The following SPRED2 variants were observed in gnomAD, a reference collection of about 807,000 sequenced individuals.
SPRED2 encodes sprouty-related, EVH1 domain-containing protein 2.
Under a neutral mutation model 43.0 loss-of-function variants are expected in SPRED2, and 47 were observed. The ratio of observed to expected loss-of-function variants is 1.09; its 90% CI spans 0.87 to 1.40. The LOEUF is 1.40. Ranked by LOEUF, SPRED2 falls within the 40% of genes most tolerant of loss-of-function variation. The probability of loss-of-function intolerance (pLI) is 0.00; values close to 1 mark genes in which losing one functional copy is unlikely to be tolerated. For missense variants in SPRED2, 561 were observed against 586.4 expected (o/e 0.96, Z 0.45); for synonymous variants, 225 against 225.7 (o/e 1.00, Z 0.03).
At position 65,344,793 on chromosome 2, in the gene SPRED2, A is replaced by G. The variant is rs375619259; in HGVS notation, c.130T>C (p.Cys44Arg). The change falls in exon 2 of 6, where the codon TGT (cysteine) becomes CGT (arginine). Residue 44 changes from cysteine (C) to arginine (R), a missense_variant. By Grantham distance (180) the Cys-to-Arg change is radical. This residue lies in a region of SPRED2 where 305 missense variants were observed against 282.4 expected (regional missense o/e 1.08). Transcript: ENST00000356388. ...EGGGISRVGVCKVMHPEGNGR... is the reference protein window; with the variant it reads ...EGGGISRVGVRKVMHPEGNGR... ...TTGCCTTCGGGGTGCATGACCTTAC[A>G]GACCCCGACGCGACTGATCCCGCCT... The G allele has an allele frequency of 1.9e-6, 3 of 1,614,058 alleles. No homozygotes were observed. The highest frequency in any genetic ancestry group is 2.5e-6 in the Non-Finnish European group (3 of 1,180,028).
At chr2:65,408,910 C>T (rs1372249490) in intron 1 of SPRED2, among the ~76,000 whole-genome samples, 1 of 152,106 alleles carries the variant, frequency 6.6e-6, no homozygotes, top group Non-Finnish European at 1.5e-5. Context: ...AAATATTGCC[C>T]TAATTCTGCC....
intron 1 of SPRED2, among the ~76,000 whole-genome samples, chr2:65,360,079 C>CAAAAAAAAACA (rs773374343): frequency 1.1e-5 from 1 of 93,704 alleles, no homozygotes; most frequent in Non-Finnish European, 2.0e-5. Context: ...AAAAAAAAAA[C>CAAAAAAAAACA]AAAAAAAAAC....
rs372366601 is a variant in SPRED2, at chr2:65,313,864, C to T, written c.894G>A (p.Arg298=). Reference sequence around the variant, plus strand: ...AGCGCTCTCCGTCCTCCTTCCGCCGCCGCGACTTGCCCCGGGAGGGCTGCG... The same window carrying T: ...AGCGCTCTCCGTCCTCCTTCCGCCGTCGCGACTTGCCCCGGGAGGGCTGCG... ...IKTQPSRGKS[R]RRKEDGERSR... Residue 298 remains arginine (R), a synonymous_variant, in exon 6 of 6, where the codon CGG becomes CGA. Transcript: ENST00000356388. 24 of 1,610,710 alleles carry T rather than the reference C, an allele frequency of 1.5e-5. No homozygotes were observed. Among genetic ancestry groups the T allele is most frequent in the African/African-American group, 5.3e-5 (4 of 74,928 alleles).
At chr2:65,366,021 G>A (rs1572873220) in intron 1 of SPRED2, among the ~76,000 whole-genome samples, 1 of 141,950 alleles carries the variant, frequency 7.0e-6, no homozygotes, top group South Asian at 2.7e-4. Flanking sequence ...AGCAAATTGT[G>A]ATTTATAAAA....
chr2:65,399,383 CTTTTTT>C (rs34672484), intron 1 of SPRED2, among the ~76,000 whole-genome samples: 3 of 125,376 alleles, frequency 2.4e-5, no homozygotes, highest in South Asian at 2.5e-4. Context: ...AACTATTATT[CTTTTTT>C]TTTTTTTTTT....
At chr2:65,390,846 GA>G (rs1050115498) in intron 1 of SPRED2, among the ~76,000 whole-genome samples, 5 of 152,144 alleles carry the variant, frequency 3.3e-5, no homozygotes, top group African/African-American at 1.2e-4. Context: ...AGCACTTTGG[GA>G]GGCCAAGGTA....
chr2:65,308,852 T>C (rs2104080250), downstream of SPRED2, among the ~76,000 whole-genome samples: 2 of 152,236 alleles, frequency 1.3e-5, no homozygotes, highest in African/African-American at 4.8e-5. Flanking sequence ...CAACCTCACA[T>C]CGAAAATATA....
At chr2:65,369,567 G>C (rs1020767739) in intron 1 of SPRED2, among the ~76,000 whole-genome samples, 1 of 152,222 alleles carries the variant, frequency 6.6e-6, no homozygotes, top group African/African-American at 2.4e-5. Flanking sequence ...ATCTTTAACA[G>C]ACATTTCTGT....
chr2:65,363,013 T>TG lies in SPRED2; in HGVS notation c.27-18118_27-18117insC, dbSNP rs1249925705. On this transcript the variant is annotated intron_variant, in intron 1 of 5. Transcript: ENST00000356388. ...TATGGTCATCATGTTTTGTTTTTTT[T>TG]TTTTTTTTTTTTTTTTGAAAGGTTT... Among the ~76,000 whole-genome samples the TG allele has an allele frequency of 7.4e-4, 104 of 140,250 alleles. 1 individual carries two copies. Among genetic ancestry groups the TG allele is most frequent in the Admixed American group, 3.2e-3 (46 of 14,458 alleles). The allele number at this position is 140,250 out of a possible 152,430, so 92.0% of individuals were successfully genotyped here. A position where few individuals can be genotyped will look rare whatever the true frequency, so the allele number is the denominator to read the frequency against.
At chr2:65,379,415 G>T (rs1675319540) in intron 1 of SPRED2, among the ~76,000 whole-genome samples, 1 of 152,102 alleles carries the variant, frequency 6.6e-6, no homozygotes, top group Admixed American at 6.5e-5. Flanking sequence ...CTCTTAGGAG[G>T]GCAAGCCTCT....
Position 65,316,749 on chromosome 2 carries a change from G to T in SPRED2, c.573C>A (p.His191Gln), listed in dbSNP as rs1338595320. ...GHLHDSYPTD[H>Q]YHLDQPMPRP... ...TGCTGCTCACCTGATCGAGGTGATA[G>T]TGGTCTGTGGGGTATGAGTCGTGGA... Residue 191 changes from histidine to glutamine, a missense_variant, in exon 5 of 6, where the codon CAC (histidine) becomes CAA (glutamine). By Grantham distance (24) the His-to-Gln change is conservative. Coordinates refer to ENST00000356388, the MANE Select transcript of SPRED2 (RefSeq NM_181784.3). 8 of 1,611,248 alleles carry T rather than the reference G, an allele frequency of 5.0e-6. No homozygotes were observed. Among genetic ancestry groups the T allele is most frequent in the African/African-American group, 2.7e-5 (2 of 74,884 alleles).
At position 65,312,765 on chromosome 2, in the gene SPRED2, C is replaced by G; in HGVS notation, c.*736G>C. 1.0e-6 allele frequency: 1 copy of G among 985,826 alleles called. No homozygotes were observed. Among genetic ancestry groups the G allele is most frequent in the South Asian group, 4.7e-5 (1 of 21,288 alleles). The allele number at this position is 985,826 out of a possible 1,614,324, so 61.1% of individuals were successfully genotyped here. A position where few individuals can be genotyped will look rare whatever the true frequency, so the allele number is the denominator to read the frequency against. On this transcript the variant is annotated 3_prime_UTR_variant, in exon 6 of 6. Coordinates refer to ENST00000356388, the MANE Select transcript of SPRED2 (RefSeq NM_181784.3). ...ATTTTCCTGATTCTCACAAGTTAAT[C>G]TGAAGTTAAGGCTCAATTCTCAGTC...
chr2:65,318,731 GC>G (rs1673318920), intron 4 of SPRED2, among the ~76,000 whole-genome samples: 1 of 151,682 alleles, frequency 6.6e-6, no homozygotes, highest in South Asian at 2.1e-4. Context: ...GAGTGCCGTG[GC>G]ATGAACACAG....
intron 1 of SPRED2, among the ~76,000 whole-genome samples, chr2:65,417,774 C>G (rs1218048710): frequency 1.3e-5 from 2 of 152,176 alleles, no homozygotes; most frequent in African/African-American, 4.8e-5. Context: ...AAAGAGGGAG[C>G]TGAGCTCGTA....
chr2:65,406,093 A>C (rs2103743236), intron 1 of SPRED2, among the ~76,000 whole-genome samples: 2 of 152,288 alleles, frequency 1.3e-5, no homozygotes, highest in South Asian at 4.2e-4. Flanking sequence ...CATCTGTTAA[A>C]TGGTGCTCCT....
At chr2:65,344,607 T>C in intron 2 of SPRED2, 112 bp downstream of exon 2, 1 of 1,397,084 alleles carries the variant, frequency 7.2e-7, no homozygotes, top group Non-Finnish European at 9.9e-7. Context: ...TTTGCAAGAG[T>C]TTGAAGTCAG....
At chr2:65,416,669 C>T (rs1464294234) in intron 1 of SPRED2, among the ~76,000 whole-genome samples, 1 of 152,132 alleles carries the variant, frequency 6.6e-6, no homozygotes, top group East Asian at 1.9e-4. Context: ...GTTATCCCAA[C>T]GGGAGTCCTG....
chr2:65,322,250 CTCTCTCTCTCTCTCTCTCTCTATA>C (rs1316601908), intron 4 of SPRED2, among the ~76,000 whole-genome samples: 3 of 76,396 alleles, frequency 3.9e-5, no homozygotes, highest in Non-Finnish European at 7.3e-5. Flanking sequence ...CTCTCTCTCT[CTCTCTCTCTCTCTCTCTCTCTATA>C]TATATATATA....
At chr2:65,424,171 C>A (rs1009671830) in intron 1 of SPRED2, among the ~76,000 whole-genome samples, 3 of 152,046 alleles carry the variant, frequency 2.0e-5, no homozygotes, top group Admixed American at 2.0e-4. Flanking sequence ...GCTTGGGATA[C>A]TTAGCAGGGT....
Sources: allele counts gnomAD v4.1 joint callset (sites outside exome capture counted in the v4.1 genomes callset), GRCh38; gene constraint gnomAD v4.1.1; regional missense constraint gnomAD v4.1.1; transcripts MANE v1.5; gene names NCBI Gene and HGNC (gene_info 2026-07-23, HGNC 2026-07-21).